The following NFYC variants were observed in gnomAD, a reference collection of about 807,000 sequenced individuals.
The protein encoded by NFYC is CAAT box DNA-binding protein subunit C.
In NFYC, 25 loss-of-function variants were observed where a neutral mutation model predicts 53.1. The ratio of observed to expected loss-of-function variants is 0.47; its 90% CI spans 0.34 to 0.66. The LOEUF (loss-of-function observed/expected upper bound fraction) is 0.66, where lower values mean the gene tolerates loss of function less well. Ranked by LOEUF, NFYC falls within the 30% of genes least tolerant of loss-of-function variation. The probability of loss-of-function intolerance (pLI) is 0.01; values close to 1 mark genes in which losing one functional copy is unlikely to be tolerated. For synonymous variants in NFYC, 145 were observed against 152.6 expected (o/e 0.95, Z 0.37); for missense variants, 260 against 422.7 (o/e 0.62, Z 3.38).
intron 2 of NFYC, among the ~76,000 whole-genome samples, chr1:40,742,358 A>G (rs1039633076): frequency 6.6e-6 from 1 of 152,162 alleles, no homozygotes; most frequent in African/African-American, 2.4e-5. Flanking sequence ...TGAGTGTGCA[A>G]ATACCTCTTC....
intron 1 of NFYC, among the ~76,000 whole-genome samples, chr1:40,733,273 G>A (rs1185490797): frequency 6.6e-6 from 1 of 151,668 alleles, no homozygotes; most frequent in Non-Finnish European, 1.5e-5. Flanking sequence ...GGTGCAGATC[G>A]GGCCTCCTTA....
At chr1:40,747,489 G>A in intron 2 of NFYC, 45 bp from the exon 3 acceptor site, 1 of 1,407,128 alleles carries the variant, frequency 7.1e-7, no homozygotes, top group Non-Finnish European at 1.0e-6. Flanking sequence ...TTGCCACACT[G>A]TTGATTGTCC....
intron 6 of NFYC, among the ~76,000 whole-genome samples, chr1:40,759,573 G>GTGTGTC (rs1196571470): frequency 4.6e-5 from 7 of 150,960 alleles, no homozygotes; most frequent in African/African-American, 1.5e-4. Flanking sequence ...GTGTGTGTGT[G>GTGTGTC]TGTATGTGTG....
chr1:40,709,327 G>C (rs570381747), intron 1 of NFYC: 1 of 152,260 alleles, frequency 6.6e-6, no homozygotes, highest in Non-Finnish European at 1.5e-5. Flanking sequence ...TAGATTGAAT[G>C]CCTTTGACTG....
At chr1:40,711,129 C>G (rs1026143931) in intron 1 of NFYC, among the ~76,000 whole-genome samples, 1 of 152,048 alleles carries the variant, frequency 6.6e-6, no homozygotes. Context: ...TTCAGAATTC[C>G]TTGCATGCTA....
At chr1:40,735,789 TTCCA>T in intron 1 of NFYC, 1 of 980,784 alleles carries the variant, frequency 1.0e-6, no homozygotes. Flanking sequence ...TTATTATTAT[TTCCA>T]GAAAGATATT....
At chr1:40,721,863 C>T (rs1644339316) in intron 1 of NFYC, among the ~76,000 whole-genome samples, 1 of 151,998 alleles carries the variant, frequency 6.6e-6, no homozygotes, top group African/African-American at 2.4e-5. Flanking sequence ...GTTCCCAGCC[C>T]AAGGAGACAT....
At chr1:40,692,809 T>C (rs1343956516) in intron 1 of NFYC, among the ~76,000 whole-genome samples, 8 of 152,120 alleles carry the variant, frequency 5.3e-5, no homozygotes, top group African/African-American at 1.2e-4. Context: ...AGATTTAAAG[T>C]GACAAAATCT....
rs571413728 is a variant in NFYC at position 40,752,999 on chromosome 1, A to G, written c.292-152A>G. On this transcript the variant is annotated intron_variant, in intron 4 of 9. Coordinates refer to ENST00000447388, the MANE Select transcript of NFYC (RefSeq NM_014223.5). ...CCCACCAGGTCTGATCATTTAAAGT[A>G]TATGAGTTTGGCTGTGCTTATTTCA... is the stretch of plus-strand genomic sequence containing the variant. 75 of 596,320 alleles carry G rather than the reference A, an allele frequency of 1.3e-4. 2 individuals are homozygous for G. In the South Asian group the frequency reaches 1.4e-3, roughly 11 times the overall value. 36.9% of individuals were successfully genotyped at this position (596,320 alleles called of 1,614,324 possible). A position where few individuals can be genotyped will look rare whatever the true frequency, so the allele number is the denominator to read the frequency against.
chr1:40,739,013 A>C, intron 2 of NFYC, 65 bp downstream of exon 2: 1 of 1,146,238 alleles, frequency 8.7e-7, no homozygotes, highest in South Asian at 1.3e-5. Context: ...TGGGAAATTA[A>C]CCAAAACTCA....
rs1467890965 is a variant in NFYC, at chr1:40,771,400, T to C, written c.*572T>C. 3 of 470,448 alleles carry C rather than the reference T, an allele frequency of 6.4e-6. No homozygotes were observed. The highest frequency in any genetic ancestry group is 2.4e-5 in the Admixed American group (1 of 42,430). The allele number at this position is 470,448 out of a possible 1,614,324, so 29.1% of individuals were successfully genotyped here. On this transcript the variant is annotated 3_prime_UTR_variant, in exon 10 of 10. Transcript: ENST00000447388. Reference sequence around the variant, plus strand: ...CATCCAGAGGCCATGGAAACATTCTTTGCATTTAAGAGACAGATTTATTCC... The same window carrying C: ...CATCCAGAGGCCATGGAAACATTCTCTGCATTTAAGAGACAGATTTATTCC...
intron 1 of NFYC, among the ~76,000 whole-genome samples, chr1:40,703,051 A>AG (rs1643518041): frequency 6.6e-6 from 1 of 151,398 alleles, no homozygotes; most frequent in African/African-American, 2.4e-5. Flanking sequence ...TCCTGACCTC[A>AG]GGTGATCCAC....
chr1:40,769,254 A>T, intron 8 of NFYC, 102 bp from the exon 9 acceptor site: 3 of 1,174,626 alleles, frequency 2.6e-6, no homozygotes, highest in Non-Finnish European at 3.8e-6. Context: ...GGCACTTTAT[A>T]TGCATTGTCT....
intron 7 of NFYC, among the ~76,000 whole-genome samples, chr1:40,764,375 G>GT (rs1646712464): frequency 6.6e-6 from 1 of 152,234 alleles, no homozygotes; most frequent in Non-Finnish European, 1.5e-5. Context: ...GGAAAGTGGA[G>GT]TGTGTATGTC....
intron 2 of NFYC, 142 bp from the exon 3 acceptor site, chr1:40,747,392 T>C (rs1570610085): frequency 3.5e-6 from 2 of 570,596 alleles, no homozygotes; most frequent in Non-Finnish European, 6.2e-6. Context: ...GCTTGTATTT[T>C]CTTCATTTCA....
intron 1 of NFYC, among the ~76,000 whole-genome samples, chr1:40,726,751 G>A (rs900117085): frequency 6.6e-6 from 1 of 152,202 alleles, no homozygotes; most frequent in Non-Finnish European, 1.5e-5. Context: ...AGTGAAGTTT[G>A]TTGCTTCAGT....
chr1:40,705,615 TG>T (rs1036395695), intron 1 of NFYC, among the ~76,000 whole-genome samples: 2 of 152,260 alleles, frequency 1.3e-5, no homozygotes, highest in African/African-American at 4.8e-5. Flanking sequence ...GGTTTGTTAC[TG>T]GTTAAATGGT....
intron 2 of NFYC, among the ~76,000 whole-genome samples, chr1:40,741,937 ACT>A (rs756019104): frequency 2.6e-5 from 4 of 151,874 alleles, no homozygotes; most frequent in Non-Finnish European, 5.9e-5. Context: ...ACAGGGTCTC[ACT>A]CTGTTCATTG....
chr1:40,762,739 G>A, intron 6 of NFYC, 149 bp from the exon 7 acceptor site: 1 of 643,332 alleles, frequency 1.6e-6, no homozygotes, highest in South Asian at 5.2e-5. Flanking sequence ...AAACCCAGAG[G>A]ACTCTGTAGG....
Sources: allele counts gnomAD v4.1 joint callset (sites outside exome capture counted in the v4.1 genomes callset), GRCh38; gene constraint gnomAD v4.1.1; transcripts MANE v1.5; gene names NCBI Gene and HGNC (gene_info 2026-07-23, HGNC 2026-07-21).